ZFHX4: variants seen among roughly 807,000 people sequenced by gnomAD.
ZFHX4 encodes zinc finger homeobox protein 4.
ZFHX4 carries 56 observed loss-of-function variants against 267.6 expected under a neutral mutation model. The observed-to-expected ratio is 0.21, with a 90% CI of 0.17 to 0.26. The LOEUF (loss-of-function observed/expected upper bound fraction) is 0.26. Among genes scored for constraint, ZFHX4 ranks in the 10% least tolerant of loss-of-function variants. ZFHX4 has a pLI of 1.00. For synonymous variants in ZFHX4, 1,778 were observed against 1,665.6 expected (o/e 1.07, Z -1.64); for missense variants, 4,332 against 4,420.0 (o/e 0.98, Z 0.56).
rs975098720 is a variant in ZFHX4, at chr8:76,762,646, A to G, written c.3094-15562A>G. 8.5e-5 allele frequency among the ~76,000 whole-genome samples: 13 copies of G among 152,310 alleles called. 1 individual carries two copies. Among genetic ancestry groups the G allele is most frequent in the Middle Eastern group, 3.4e-3 (1 of 294 alleles). ...TTATTACACTACTCGTCACAGTTCAAATAAATATACACAGAGCTAATTTAT... is the reference window on the plus strand; with the variant it reads ...TTATTACACTACTCGTCACAGTTCAGATAAATATACACAGAGCTAATTTAT... On this transcript the variant is annotated intron_variant, in intron 3 of 10. Transcript: ENST00000651372.
intron 4 of ZFHX4, among the ~76,000 whole-genome samples, chr8:76,797,311 T>A (rs1285828564): frequency 6.6e-6 from 1 of 152,192 alleles, no homozygotes; most frequent in African/African-American, 2.4e-5. Flanking sequence ...GATAAACAAG[T>A]GTTTTTAGAA....
chr8:76,785,388 G>C (rs375061163), intron 4 of ZFHX4, among the ~76,000 whole-genome samples: 1 of 151,952 alleles, frequency 6.6e-6, no homozygotes, highest in Non-Finnish European at 1.5e-5. Context: ...AATGGAAATC[G>C]GTGAAAACAG....
At chr8:76,792,814 T>A (rs1481503791) in intron 4 of ZFHX4, among the ~76,000 whole-genome samples, 2 of 152,158 alleles carry the variant, frequency 1.3e-5, no homozygotes, top group Non-Finnish European at 2.9e-5. Context: ...TCTGCTCTTT[T>A]TTTGACACCC....
At chr8:76,685,259 G>C (rs932311597) in intron 1 of ZFHX4, among the ~76,000 whole-genome samples, 15 of 152,126 alleles carry the variant, frequency 9.9e-5, no homozygotes, top group African/African-American at 3.6e-4. Flanking sequence ...ATTGCCCTCT[G>C]CCTATATGAT....
At chr8:76,762,782 T>C (rs975132340) in intron 3 of ZFHX4, among the ~76,000 whole-genome samples, 4 of 152,190 alleles carry the variant, frequency 2.6e-5, no homozygotes, top group African/African-American at 9.6e-5. Flanking sequence ...TAAAACATAT[T>C]GTAATCATCG....
At chr8:76,691,903 A>G (rs1807834278) in intron 1 of ZFHX4, among the ~76,000 whole-genome samples, 1 of 152,146 alleles carries the variant, frequency 6.6e-6, no homozygotes, top group Non-Finnish European at 1.5e-5. Context: ...CTACACAGAT[A>G]TTTTGAGTAG....
intron 4 of ZFHX4, among the ~76,000 whole-genome samples, chr8:76,830,014 A>G (rs2733732): frequency 0.57 from 87,110 of 151,982 alleles, 26,937 homozygotes; most frequent in African/African-American, 0.82. Flanking sequence ...TCAAAACTAT[A>G]GTTCAATGTA....
chr8:76,706,819 C>A, intron 2 of ZFHX4, 141 bp downstream of exon 2: 1 of 970,120 alleles, frequency 1.0e-6, no homozygotes, highest in Non-Finnish European at 1.4e-6. Flanking sequence ...GCTGGATAAT[C>A]AAACCATTTG....
At chr8:76,734,596 T>G (rs1809108816) in intron 3 of ZFHX4, among the ~76,000 whole-genome samples, 1 of 152,154 alleles carries the variant, frequency 6.6e-6, no homozygotes. Flanking sequence ...CAGCAGGGGT[T>G]TGGCCTGAAA....
intron 4 of ZFHX4, among the ~76,000 whole-genome samples, chr8:76,819,456 T>C (rs987801284): frequency 3.3e-5 from 5 of 152,176 alleles, no homozygotes; most frequent in African/African-American, 1.2e-4. Context: ...GTGTTCAATA[T>C]GTACTCCTTG....
At position 76,704,885 on chromosome 8, in the gene ZFHX4, A is replaced by G; in HGVS notation, c.797A>G (p.Asp266Gly). 1 of 1,614,168 alleles carries G rather than the reference A, an allele frequency of 6.2e-7. No individual in the cohort carries two copies. The change falls in exon 2 of 11, where the codon GAT (aspartate) becomes GGT (glycine). Residue 266 changes from aspartate to glycine, a missense_variant. Asp to Gly is a moderately conservative substitution (Grantham distance 94, BLOSUM62 -1). Coordinates refer to ENST00000651372, the MANE Select transcript of ZFHX4 (RefSeq NM_024721.5). ...AACAATGTGGACTTGTCCAAATTCGATGGTTGTGTTAGCGATGGGAAAAGG... is the reference window on the plus strand; with the variant it reads ...AACAATGTGGACTTGTCCAAATTCGGTGGTTGTGTTAGCGATGGGAAAAGG... The part of the protein sequence containing the change: ...VPNNVDLSKF[D>G]GCVSDGKRKP...
chr8:76,808,095 A>C (rs1285170481), intron 4 of ZFHX4, among the ~76,000 whole-genome samples: 1 of 152,150 alleles, frequency 6.6e-6, no homozygotes, highest in African/African-American at 2.4e-5. Context: ...ATTGTCTTTA[A>C]AAAATTCCAT....
Position 76,854,449 on chromosome 8 carries a change from G to C in ZFHX4, c.7528G>C (p.Glu2510Gln). The C allele has an allele frequency of 6.2e-7, 1 of 1,613,886 alleles. No individual in the cohort carries two copies. Among genetic ancestry groups the C allele is most frequent in the African/African-American group, 1.3e-5 (1 of 75,006 alleles). Residue 2510 changes from glutamate to glutamine, a missense_variant, in exon 10 of 11, where the codon GAA becomes CAA. This residue lies in a region of ZFHX4 where 1,648 missense variants were observed against 1,625.0 expected (regional missense o/e 1.01). Coordinates refer to ENST00000651372, the MANE Select transcript of ZFHX4 (RefSeq NM_024721.5). Reference sequence around the variant, plus strand: ...CTTCCCAACTCTGGAACTCTGGCAGGAACACCAGCACATGCACTTCCTTGC... The same window carrying C: ...CTTCCCAACTCTGGAACTCTGGCAGCAACACCAGCACATGCACTTCCTTGC... ...VAFPTLELWQ[E>Q]HQHMHFLAAQ...
At position 76,855,748 on chromosome 8, in the gene ZFHX4, G is replaced by T. The variant is rs1457727158; in HGVS notation, c.8827G>T (p.Val2943Phe). The change falls in exon 10 of 11, where the codon GTT becomes TTT. Residue 2943 changes from valine (V) to phenylalanine (F), a missense_variant. Physicochemically the swap from Val to Phe is conservative, Grantham distance 50. Coordinates refer to ENST00000651372, the MANE Select transcript of ZFHX4 (RefSeq NM_024721.5). Reference protein sequence around the residue: ...RTQMSNLQLKVLKACFSDYRT... With the variant: ...RTQMSNLQLKFLKACFSDYRT... ...GCAAATGAGCAATCTTCAACTCAAG[G>T]TTCTCAAGGCTTGCTTTAGTGACTA... 1 of 1,613,940 alleles carries T rather than the reference G, an allele frequency of 6.2e-7. No homozygotes were observed. Among genetic ancestry groups the T allele is most frequent in the South Asian group, 1.1e-5 (1 of 91,078 alleles).
chr8:76,761,950 T>C (rs1200055778), intron 3 of ZFHX4, among the ~76,000 whole-genome samples: 2 of 152,210 alleles, frequency 1.3e-5, no homozygotes, highest in East Asian at 3.8e-4. Flanking sequence ...CTGGGTTGAA[T>C]ACTCTAAAAA....
chr8:76,768,091 G>T (rs930147164), intron 3 of ZFHX4, among the ~76,000 whole-genome samples: 1 of 152,128 alleles, frequency 6.6e-6, no homozygotes, highest in Non-Finnish European at 1.5e-5. Flanking sequence ...ATTGGGGTAT[G>T]TACACATAAA....
chr8:76,724,155 A>T (rs1158621117), intron 3 of ZFHX4, among the ~76,000 whole-genome samples: 1 of 152,108 alleles, frequency 6.6e-6, no homozygotes, highest in Non-Finnish European at 1.5e-5. Flanking sequence ...TGTAAGTTTT[A>T]AAACATCCTG....
chr8:76,705,748 A>G lies in ZFHX4; in HGVS notation c.1660A>G (p.Ile554Val). 3 of 1,614,040 alleles carry G rather than the reference A, an allele frequency of 1.9e-6. No homozygotes were observed. Among genetic ancestry groups the G allele is most frequent in the East Asian group, 2.2e-5 (1 of 44,874 alleles). Residue 554 changes from isoleucine to valine, a missense_variant, in exon 2 of 11, where the codon ATC becomes GTC. Around this residue, in one of 7 missense-constraint regions of ZFHX4, gnomAD observed 1,195 missense variants for 1,173.6 expected, o/e 1.02. Coordinates refer to ENST00000651372, the MANE Select transcript of ZFHX4 (RefSeq NM_024721.5). The part of the protein sequence containing the change: ...ASGSVASNYG[I>V]SGKDFADASA... ...TGGCAGTGTTGCTAGTAACTATGGC[A>G]TCAGTGGCAAGGACTTTGCAGACGC...
intron 4 of ZFHX4, among the ~76,000 whole-genome samples, chr8:76,830,272 GT>G (rs1270110897): frequency 3.9e-5 from 6 of 152,192 alleles, no homozygotes; most frequent in Non-Finnish European, 8.8e-5. Flanking sequence ...ATTTTCAAAT[GT>G]GTGATTATCA....
Sources: allele counts gnomAD v4.1 joint callset (sites outside exome capture counted in the v4.1 genomes callset), GRCh38; gene constraint gnomAD v4.1.1; regional missense constraint gnomAD v4.1.1; transcripts MANE v1.5; gene names NCBI Gene and HGNC (gene_info 2026-07-23, HGNC 2026-07-21).